The following FHIT variants were observed in gnomAD, a reference collection of about 807,000 sequenced individuals.
FHIT encodes fragile histidine triad diadenosine triphosphatase.
FHIT carries 19 observed loss-of-function variants against 17.9 expected under a neutral mutation model. That is an observed-to-expected ratio of 1.06 (90% confidence interval 0.74 to 1.56). FHIT has a LOEUF of 1.56. Ranked by LOEUF, FHIT falls within the 40% of genes most tolerant of loss-of-function variation. The pLI is 0.00. For missense variants in FHIT, 248 were observed against 189.2 expected (o/e 1.31, Z -1.82); for synonymous variants, 81 against 69.7 (o/e 1.16, Z -0.81).
chr3:60,294,919 A>G (rs116210171), intron 5 of FHIT, among the ~76,000 whole-genome samples: 1 of 152,162 alleles, frequency 6.6e-6, no homozygotes, highest in Non-Finnish European at 1.5e-5. Flanking sequence ...TCATTTAACT[A>G]TTCACCTGCA....
intron 5 of FHIT, among the ~76,000 whole-genome samples, chr3:60,189,456 C>T (rs1028720710): frequency 1.7e-4 from 25 of 149,584 alleles, no homozygotes; most frequent in African/African-American, 5.4e-4. Flanking sequence ...TAGTTTCATA[C>T]TTTAGATACT....
intron 4 of FHIT, among the ~76,000 whole-genome samples, chr3:60,573,871 G>A (rs562090105): frequency 3.3e-5 from 5 of 151,940 alleles, no homozygotes; most frequent in South Asian, 4.2e-4. Flanking sequence ...GCGCAGTGAC[G>A]TGATCTCAGC....
rs539305609 is a variant in FHIT at position 60,376,820 on chromosome 3, C to T, written c.103+160040G>A. ...GAAATAAACATTTATTAAAATAATA[C>T]CATACACGACATAGATATTTTTAAT... On this transcript the variant is annotated intron_variant, in intron 5 of 9. Transcript: ENST00000492590. Among the ~76,000 whole-genome samples the T allele has an allele frequency of 3.9e-5, 6 of 152,186 alleles. No individual in the cohort carries two copies. In the South Asian group the frequency reaches 1.2e-3, roughly 32 times the overall value.
intron 9 of FHIT, chr3:59,750,656 T>C (rs1700845189): frequency 4.5e-6 from 1 of 220,988 alleles, no homozygotes; most frequent in East Asian, 6.6e-5. Flanking sequence ...CTTTCTAGAA[T>C]GCAAGGATCT....
chr3:60,637,379 C>T (rs372066995), intron 4 of FHIT, among the ~76,000 whole-genome samples: 3 of 152,276 alleles, frequency 2.0e-5, no homozygotes, highest in Admixed American at 6.5e-5. Flanking sequence ...ATGCCTGTCT[C>T]GTTTACCATT....
chr3:60,446,632 G>C (rs1264785196), intron 5 of FHIT, among the ~76,000 whole-genome samples: 1 of 151,960 alleles, frequency 6.6e-6, no homozygotes, highest in Non-Finnish European at 1.5e-5. Context: ...TAGGAAAATG[G>C]CTTGAAGCCA....
intron 1 of FHIT, among the ~76,000 whole-genome samples, chr3:61,208,125 T>G (rs952422781): frequency 6.6e-6 from 1 of 152,172 alleles, no homozygotes; most frequent in African/African-American, 2.4e-5. Flanking sequence ...TTGAGTGGTT[T>G]TGAGTGAGTT....
Position 59,975,614 on chromosome 3 carries a change from A to T in FHIT, c.279+35757T>A, listed in dbSNP as rs7626003. 2.4e-4 allele frequency among the ~76,000 whole-genome samples: 37 copies of T among 151,890 alleles called. 1 individual carries two copies. The South Asian group carries it at 7.7e-3, about 32-fold the overall frequency. ...TGCTTGAAGTTGCAAAATGTTACAA[A>T]TGGTTAAAAAAACATTAGAGAAAGA... On this transcript the variant is annotated intron_variant, in intron 7 of 9. Transcript: ENST00000492590.
intron 5 of FHIT, among the ~76,000 whole-genome samples, chr3:60,247,502 A>T (rs1705463964): frequency 6.6e-6 from 1 of 152,202 alleles, no homozygotes; most frequent in African/African-American, 2.4e-5. Flanking sequence ...CATATTTTTT[A>T]AAGCTTTTCT....
chr3:60,896,007 GC>G (rs1460141466), intron 3 of FHIT, among the ~76,000 whole-genome samples: 1 of 151,902 alleles, frequency 6.6e-6, no homozygotes, highest in Non-Finnish European at 1.5e-5. Context: ...GAGGTGAGCA[GC>G]GGGCAGGGGA....
At chr3:60,790,711 TATG>T (rs1439295928) in intron 4 of FHIT, among the ~76,000 whole-genome samples, 3 of 152,196 alleles carry the variant, frequency 2.0e-5, no homozygotes, top group African/African-American at 7.2e-5. Flanking sequence ...AACTATTCTG[TATG>T]ATACTACGAG....
In FHIT at chr3:61,164,418, G is replaced by A. The variant is rs575030894; in HGVS notation, c.-164+36199C>T. Among the ~76,000 whole-genome samples the A allele has an allele frequency of 4.6e-5, 7 of 152,278 alleles. No homozygotes were observed. The South Asian group carries it at 1.2e-3, about 27-fold the overall frequency. The stretch of plus-strand genomic sequence containing the variant: ...TCTGGAAGAGGGACCAGCCATCTAG[G>A]TATCAACAATCGCTTCAGGTGAAAC... On this transcript the variant is annotated intron_variant, in intron 2 of 9. Coordinates refer to ENST00000492590, the MANE Select transcript of FHIT (RefSeq NM_002012.4).
chr3:60,540,105 G>C (rs2036137444), intron 4 of FHIT, among the ~76,000 whole-genome samples: 1 of 152,010 alleles, frequency 6.6e-6, no homozygotes, highest in Admixed American at 6.6e-5. Flanking sequence ...AGTTTAATCG[G>C]TCATGTTTAC....
At chr3:60,517,885 G>A (rs143679124) in intron 5 of FHIT, among the ~76,000 whole-genome samples, 33 of 152,174 alleles carry the variant, frequency 2.2e-4, no homozygotes, top group African/African-American at 6.0e-4. Flanking sequence ...CATACTGCCC[G>A]GTTCATCATG....
At chr3:60,509,458 C>T (rs1433793790) in intron 5 of FHIT, among the ~76,000 whole-genome samples, 2 of 152,206 alleles carry the variant, frequency 1.3e-5, no homozygotes, top group Non-Finnish European at 2.9e-5. Flanking sequence ...TTAGGATTCA[C>T]ATCTCTGTTA....
At chr3:60,813,117 G>T (rs1553736575) in intron 4 of FHIT, among the ~76,000 whole-genome samples, 1 of 151,670 alleles carries the variant, frequency 6.6e-6, no homozygotes, top group South Asian at 2.1e-4. Context: ...TCATTATGAA[G>T]AAAGTAGGTT....
At chr3:61,121,773 C>G (rs540259086) in intron 2 of FHIT, among the ~76,000 whole-genome samples, 1 of 152,158 alleles carries the variant, frequency 6.6e-6, no homozygotes, top group East Asian at 1.9e-4. Flanking sequence ...GGCTAAATGC[C>G]ACAATTAAAA....
chr3:60,222,458 T>C (rs1054847104), intron 5 of FHIT, among the ~76,000 whole-genome samples: 1 of 152,044 alleles, frequency 6.6e-6, no homozygotes, highest in African/African-American at 2.4e-5. Flanking sequence ...CACTAAGCAT[T>C]AGGTTGGTGC....
intron 3 of FHIT, among the ~76,000 whole-genome samples, chr3:60,897,657 G>A (rs369492806): frequency 7.2e-5 from 11 of 152,172 alleles, no homozygotes; most frequent in East Asian, 3.9e-4. Context: ...CCTACTGACC[G>A]CTGGGCAACT....
Sources: gnomAD v4.1 joint callset for allele counts (sites outside exome capture counted in the v4.1 genomes callset) on GRCh38, gnomAD v4.1.1 for gene constraint, MANE v1.5 for transcripts, NCBI Gene and HGNC (gene_info 2026-07-23, HGNC 2026-07-21) for gene names.